FAM81A: variants seen among roughly 807,000 people sequenced by gnomAD.
The protein encoded by FAM81A is protein FAM81A.
FAM81A carries 19 observed loss-of-function variants against 46.7 expected under a neutral mutation model. That is an observed-to-expected ratio of 0.41 (90% CI 0.28 to 0.60). The LOEUF (loss-of-function observed/expected upper bound fraction) is 0.60, where lower values mean the gene tolerates loss of function less well. Ranked by LOEUF, FAM81A falls within the 20% of genes least tolerant of loss-of-function variation. The pLI is 0.34. For missense variants in FAM81A, 377 were observed against 453.5 expected (o/e 0.83, Z 1.53); for synonymous variants, 183 against 152.9 (o/e 1.20, Z -1.45).
In FAM81A at chr15:59,514,458, G is replaced by T. The variant is rs1383300959; in HGVS notation, c.786+34G>T. ...TGATGTTTAGCAAAAATTTAGTAAA[G>T]TTATTCAGTGGGGGCCTACACTGTT... On this transcript the variant is annotated intron_variant, in intron 7 of 8. Transcript: ENST00000288228. 5 of 1,605,074 alleles carry T rather than the reference G, an allele frequency of 3.1e-6. No individual in the cohort carries two copies. The South Asian group carries it at 5.6e-5, about 18-fold the overall frequency.
intron 3 of FAM81A, among the ~76,000 whole-genome samples, chr15:59,471,841 G>A (rs2081696073): frequency 6.6e-6 from 1 of 152,024 alleles, no homozygotes; most frequent in Non-Finnish European, 1.5e-5. Flanking sequence ...TGTTTACTAA[G>A]GACAAGGATT....
chr15:59,495,972 G>A (rs1468091566), intron 4 of FAM81A, among the ~76,000 whole-genome samples: 4 of 152,098 alleles, frequency 2.6e-5, no homozygotes, highest in Non-Finnish European at 5.9e-5. Context: ...TCTAAGGGAT[G>A]TCTTTTCATT....
At chr15:59,455,255 C>T (rs1350793398) in intron 1 of FAM81A, among the ~76,000 whole-genome samples, 2 of 151,974 alleles carry the variant, frequency 1.3e-5, no homozygotes, top group Admixed American at 6.6e-5. Flanking sequence ...CTACCTGTCC[C>T]TTCCCCCAAC....
chr15:59,405,722 T>G (rs2081091266), intron 2 of FAM81A, among the ~76,000 whole-genome samples: 1 of 152,140 alleles, frequency 6.6e-6, no homozygotes, highest in East Asian at 1.9e-4. Flanking sequence ...ATAAGTGCAC[T>G]CCACACACAA....
chr15:59,429,597 T>C (rs538942927), intron 2 of FAM81A, among the ~76,000 whole-genome samples: 1 of 152,258 alleles, frequency 6.6e-6, no homozygotes, highest in Non-Finnish European at 1.5e-5. Context: ...AAAACAAGAG[T>C]CAAATTGATT....
chr15:59,484,043 C>G (rs766093838), intron 3 of FAM81A, among the ~76,000 whole-genome samples: 19 of 152,160 alleles, frequency 1.2e-4, no homozygotes, highest in Non-Finnish European at 1.8e-4. Flanking sequence ...GTCCACAAGC[C>G]CCTTCCACTA....
chr15:59,468,429 A>G (rs1348177066), intron 3 of FAM81A, among the ~76,000 whole-genome samples: 1 of 151,986 alleles, frequency 6.6e-6, no homozygotes, highest in Non-Finnish European at 1.5e-5. Flanking sequence ...TTCCTGGTTT[A>G]GTCTTGGGAG....
chr15:59,425,082 G>T (rs1026975881), intron 2 of FAM81A, among the ~76,000 whole-genome samples: 2 of 151,848 alleles, frequency 1.3e-5, no homozygotes, highest in African/African-American at 2.4e-5. Flanking sequence ...ATGGGGTCTT[G>T]CTATGTTGAC....
chr15:59,493,600 T>A (rs2082003649), intron 4 of FAM81A, among the ~76,000 whole-genome samples: 1 of 152,158 alleles, frequency 6.6e-6, no homozygotes, highest in African/African-American at 2.4e-5. Flanking sequence ...CTTTTCTTTT[T>A]ATTTTTGAGA....
intron 2 of FAM81A, among the ~76,000 whole-genome samples, chr15:59,429,105 A>C (rs1185406355): frequency 6.6e-6 from 1 of 152,220 alleles, no homozygotes; most frequent in Non-Finnish European, 1.5e-5. Context: ...AATGGAAATA[A>C]GTTTCCCTCA....
At chr15:59,450,313 G>C (rs898314372) in intron 1 of FAM81A, among the ~76,000 whole-genome samples, 2 of 151,784 alleles carry the variant, frequency 1.3e-5, no homozygotes, top group Admixed American at 1.3e-4. Context: ...CTAATGATGG[G>C]CGTTCATTCC....
intron 3 of FAM81A, among the ~76,000 whole-genome samples, chr15:59,483,653 G>A (rs1596514738): frequency 6.6e-6 from 1 of 152,290 alleles, no homozygotes; most frequent in East Asian, 1.9e-4. Flanking sequence ...GTAACAAGCA[G>A]ATACCCAGGA....
chr15:59,435,284 TCAAA>T (rs1382540143), upstream of FAM81A, among the ~76,000 whole-genome samples: 25 of 150,774 alleles, frequency 1.7e-4, no homozygotes, highest in Admixed American at 2.0e-4. Flanking sequence ...AGACTCCGTC[TCAAA>T]CAAACAAACA....
At chr15:59,417,439 C>T (rs1400892485) in intron 2 of FAM81A, among the ~76,000 whole-genome samples, 1 of 152,042 alleles carries the variant, frequency 6.6e-6, no homozygotes, top group African/African-American at 2.4e-5. Context: ...GATGTGTTGG[C>T]TCACACCTGT....
At chr15:59,436,243 A>C (rs1043993471), upstream of FAM81A, among the ~76,000 whole-genome samples, 4 of 152,208 alleles carry the variant, frequency 2.6e-5, no homozygotes, top group African/African-American at 9.6e-5. Flanking sequence ...TCTTGCAGCA[A>C]ATGAAAAATC....
intron 1 of FAM81A, among the ~76,000 whole-genome samples, chr15:59,447,131 T>C (rs2081361653): frequency 6.6e-6 from 1 of 152,190 alleles, no homozygotes; most frequent in African/African-American, 2.4e-5. Flanking sequence ...CTTTCCACTG[T>C]TTTAAAAGAT....
At chr15:59,413,256 G>A (rs757825210) in intron 2 of FAM81A, among the ~76,000 whole-genome samples, 1 of 152,042 alleles carries the variant, frequency 6.6e-6, no homozygotes, top group African/African-American at 2.4e-5. Context: ...GCTGTCCCTC[G>A]TTGTCTGGCA....
chr15:59,408,109 C>T (rs536266365), intron 2 of FAM81A: 11 of 159,628 alleles, frequency 6.9e-5, no homozygotes, highest in Admixed American at 5.6e-4. Context: ...GCGACAGCAG[C>T]AGCTGGAGCC....
intron 3 of FAM81A, among the ~76,000 whole-genome samples, chr15:59,468,048 A>G (rs1278170222): frequency 6.6e-6 from 1 of 152,032 alleles, no homozygotes; most frequent in East Asian, 1.9e-4. Context: ...CTTGCATCCC[A>G]GGGATGAAGC....
Sources: allele counts gnomAD v4.1 joint callset (sites outside exome capture counted in the v4.1 genomes callset), GRCh38; gene constraint gnomAD v4.1.1; transcripts MANE v1.5; gene names NCBI Gene and HGNC (gene_info 2026-07-23, HGNC 2026-07-21).